CHST15: variants seen among roughly 807,000 people sequenced by gnomAD.
CHST15 encodes the protein B cell RAG associated protein (GALNAC4S-6ST).
CHST15 carries 30 observed loss-of-function variants against 53.6 expected under a neutral mutation model. The ratio of observed to expected loss-of-function variants is 0.56; its 90% CI spans 0.42 to 0.76. The LOEUF (loss-of-function observed/expected upper bound fraction) is 0.76. CHST15 is among the 30% of genes least tolerant of loss of function. The probability of loss-of-function intolerance (pLI) is 0.00; values close to 1 mark genes in which losing one functional copy is unlikely to be tolerated. For synonymous variants in CHST15, 296 were observed against 289.8 expected (o/e 1.02, Z -0.22); for missense variants, 627 against 740.5 (o/e 0.85, Z 1.78).
intron 1 of CHST15, among the ~76,000 whole-genome samples, chr10:124,066,612 T>G (rs1336521798): frequency 6.6e-6 from 1 of 152,232 alleles, no homozygotes; most frequent in Non-Finnish European, 1.5e-5. Context: ...TTCTGAGGTT[T>G]TCACACCCAA....
chr10:124,062,411 A>G (rs1257129110), intron 1 of CHST15, among the ~76,000 whole-genome samples: 1 of 152,190 alleles, frequency 6.6e-6, no homozygotes, highest in Non-Finnish European at 1.5e-5. Context: ...CACACGTGCC[A>G]TCTGGTTTGT....
intron 1 of CHST15, among the ~76,000 whole-genome samples, chr10:124,064,296 GCA>G (rs1293559728): frequency 1.3e-5 from 2 of 152,234 alleles, no homozygotes; most frequent in Non-Finnish European, 2.9e-5. Flanking sequence ...TTTGATCAAA[GCA>G]CACAGTTTTC....
chr10:124,018,679 G>C (rs908043775), intron 6 of CHST15, among the ~76,000 whole-genome samples: 6 of 152,184 alleles, frequency 3.9e-5, no homozygotes, highest in Non-Finnish European at 5.9e-5. Context: ...TGTTATATTT[G>C]GGGGCAGTGT....
intron 1 of CHST15, among the ~76,000 whole-genome samples, chr10:124,073,834 C>T (rs924252075): frequency 6.6e-6 from 1 of 152,192 alleles, no homozygotes; most frequent in African/African-American, 2.4e-5. Flanking sequence ...CCACTTAGGG[C>T]TTATTTTACG....
At chr10:124,023,763 C>G (rs1045355952) in intron 5 of CHST15, among the ~76,000 whole-genome samples, 2 of 152,138 alleles carry the variant, frequency 1.3e-5, no homozygotes, top group African/African-American at 4.8e-5. Context: ...AACCTGGCTT[C>G]CCCTCTTTCC....
intron 5 of CHST15, among the ~76,000 whole-genome samples, chr10:124,022,686 C>T (rs761910740): frequency 1.1e-4 from 16 of 152,122 alleles, no homozygotes; most frequent in Non-Finnish European, 2.4e-4. Context: ...TGCCTGGCCA[C>T]CTGGCCTGTC....
chr10:124,063,486 T>A (rs1362602171), intron 1 of CHST15, among the ~76,000 whole-genome samples: 1 of 152,218 alleles, frequency 6.6e-6, no homozygotes, highest in Non-Finnish European at 1.5e-5. Flanking sequence ...ATCTAGAATC[T>A]AGATTTCCAA....
chr10:124,034,985 CTG>C, intron 5 of CHST15, among the ~76,000 whole-genome samples: 1 of 141,172 alleles, frequency 7.1e-6, no homozygotes, highest in Admixed American at 6.9e-5. Flanking sequence ...AATAGGGACC[CTG>C]GCTCTACCCC....
intron 2 of CHST15, 149 bp from the exon 3 acceptor site, chr10:124,045,068 G>A (rs79480370): frequency 3.4e-6 from 1 of 298,004 alleles, no homozygotes; most frequent in African/African-American, 2.4e-5. Context: ...AGCAAAACTT[G>A]GTAGACGGTC....
intron 5 of CHST15, among the ~76,000 whole-genome samples, chr10:124,025,278 C>T (rs1012949485): frequency 6.6e-6 from 1 of 152,230 alleles, no homozygotes; most frequent in African/African-American, 2.4e-5. Flanking sequence ...CCACCCCTAG[C>T]AGGTGAAACG....
intron 4 of CHST15, 142 bp from the exon 5 acceptor site, chr10:124,038,813 T>C: frequency 1.2e-6 from 1 of 806,028 alleles, no homozygotes; most frequent in East Asian, 2.7e-5. Flanking sequence ...TTTGCGGGCA[T>C]CTGGGACTCC....
intron 1 of CHST15, among the ~76,000 whole-genome samples, chr10:124,089,602 T>C (rs1370511054): frequency 1.3e-5 from 2 of 152,106 alleles, no homozygotes; most frequent in African/African-American, 2.4e-5. Flanking sequence ...CTTAATATCA[T>C]ACCTGAGCAT....
intron 5 of CHST15, among the ~76,000 whole-genome samples, chr10:124,023,502 G>T (rs1025239588): frequency 6.7e-6 from 1 of 149,198 alleles, no homozygotes. Flanking sequence ...AAAAAAAAGA[G>T]GTGTTTTTAT....
intron 1 of CHST15, among the ~76,000 whole-genome samples, chr10:124,075,850 C>A (rs1179072214): frequency 1.3e-5 from 2 of 152,194 alleles, no homozygotes; most frequent in East Asian, 3.9e-4. Flanking sequence ...GTCCCGGGCC[C>A]TTCCAAGCCT....
chr10:124,032,427 A>G (rs1445835769), intron 5 of CHST15, among the ~76,000 whole-genome samples: 10 of 152,186 alleles, frequency 6.6e-5, no homozygotes, highest in South Asian at 2.1e-4. Flanking sequence ...TCCCTTGAAT[A>G]AAGGAGGAAT....
intron 1 of CHST15, among the ~76,000 whole-genome samples, chr10:124,090,723 A>C (rs537041444): frequency 6.6e-6 from 1 of 152,362 alleles, no homozygotes; most frequent in Admixed American, 6.5e-5. Context: ...CACAGCAGCC[A>C]CGGTGACCGT....
At chr10:124,047,692 T>C (rs896805931) in intron 1 of CHST15, among the ~76,000 whole-genome samples, 4 of 152,218 alleles carry the variant, frequency 2.6e-5, no homozygotes, top group Admixed American at 2.0e-4. Context: ...CCTTAACAGG[T>C]GCTAAATTAG....
At chr10:124,017,007 G>A (rs1404595561) in intron 6 of CHST15, among the ~76,000 whole-genome samples, 1 of 152,184 alleles carries the variant, frequency 6.6e-6, no homozygotes, top group African/African-American at 2.4e-5. Context: ...CCTTCTGTGT[G>A]GGAGAAACTA....
Position 124,062,406 on chromosome 10 carries a change from G to A in CHST15, c.-512-15682C>T, listed in dbSNP as rs543989297. Among the ~76,000 whole-genome samples, 9 of 152,284 alleles carry A rather than the reference G, an allele frequency of 5.9e-5. No individual in the cohort carries two copies. In the South Asian group the frequency reaches 1.0e-3, roughly 18 times the overall value. ...CCCAGAGGCAGGTGAACATCCACACGTGCCATCTGGTTTGTATCAACCCCT... is the reference window on the plus strand; with the variant it reads ...CCCAGAGGCAGGTGAACATCCACACATGCCATCTGGTTTGTATCAACCCCT... On this transcript the variant is annotated intron_variant, in intron 1 of 7. Coordinates refer to ENST00000435907, the MANE Select transcript of CHST15 (RefSeq NM_001270764.2).
Sources: allele counts gnomAD v4.1 joint callset (sites outside exome capture counted in the v4.1 genomes callset), GRCh38; gene constraint gnomAD v4.1.1; transcripts MANE v1.5; gene names NCBI Gene and HGNC (gene_info 2026-07-23, HGNC 2026-07-21).